BEGAIN: variants seen among roughly 807,000 people sequenced by gnomAD.
BEGAIN encodes brain enriched guanylate kinase associated.
In BEGAIN, 19 loss-of-function variants were observed where a neutral mutation model predicts 35.8. That is an observed-to-expected ratio of 0.53 (90% CI 0.37 to 0.78). The LOEUF is 0.78. Among genes scored for constraint, BEGAIN ranks in the 30% least tolerant of loss-of-function variants. The pLI is 0.00. For synonymous variants in BEGAIN, 462 were observed against 388.6 expected, an observed-to-expected ratio of 1.19 and a Z score of -2.22; for missense variants, 795 against 853.6, an observed-to-expected ratio of 0.93 and a Z score of 0.85.
chr14:100,542,889 C>T (rs1012268760), intron 5 of BEGAIN, among the ~76,000 whole-genome samples: 9 of 152,224 alleles, frequency 5.9e-5, no homozygotes, highest in Admixed American at 5.9e-4. Context: ...TCAGAACCCT[C>T]CATGGCTCCC....
chr14:100,560,046 G>A (rs2034104695), intron 2 of BEGAIN, among the ~76,000 whole-genome samples: 2 of 152,226 alleles, frequency 1.3e-5, no homozygotes, highest in South Asian at 2.1e-4. Flanking sequence ...GGGGCTGAGA[G>A]GGTCATGTGG....
At chr14:100,550,617 C>G (rs970542925) in intron 2 of BEGAIN, 1 of 397,858 alleles carries the variant, frequency 2.5e-6, no homozygotes. Flanking sequence ...TGGCTGAGAC[C>G]GAGAGAGATG....
intron 2 of BEGAIN, among the ~76,000 whole-genome samples, chr14:100,555,715 C>T (rs2033651220): frequency 6.6e-6 from 1 of 152,234 alleles, no homozygotes; most frequent in Non-Finnish European, 1.5e-5. Context: ...GTCTCCCGCA[C>T]AGCGAGACAA....
chr14:100,569,068 G>T (rs1362598302), intron 1 of BEGAIN: 1 of 472,620 alleles, frequency 2.1e-6, no homozygotes, highest in Non-Finnish European at 2.8e-6. Context: ...CGGCCCCGGG[G>T]CCTCGGCCAG....
chr14:100,552,434 A>G (rs1305179088), intron 2 of BEGAIN, among the ~76,000 whole-genome samples: 1 of 152,246 alleles, frequency 6.6e-6, no homozygotes, highest in Non-Finnish European at 1.5e-5. Context: ...ACTGGGACCC[A>G]GAGAAGTTAA....
At chr14:100,577,626 G>C (rs1324080575) in intron 1 of BEGAIN, 2 of 398,982 alleles carry the variant, frequency 5.0e-6, no homozygotes, top group Non-Finnish European at 8.8e-6. Context: ...ACCTGGAGAA[G>C]GGCAGTCTGG....
At position 100,568,518 on chromosome 14, in the gene BEGAIN, T is replaced by G; in HGVS notation, c.43-579A>C. On this transcript the variant is annotated intron_variant, in intron 1 of 6. Coordinates refer to ENST00000554140, the MANE Select transcript of BEGAIN (RefSeq NM_001385089.1). The surrounding 1 kb of genome is among the most constrained non-coding windows in gnomAD (Gnocchi z 7.5). Reference sequence around the variant, plus strand: ...CCCGCTGCCCTCAGATTCTGGGGTTTTGGGCCTGGCTTGCCCCTCCCGGGC... The same window carrying G: ...CCCGCTGCCCTCAGATTCTGGGGTTGTGGGCCTGGCTTGCCCCTCCCGGGC... 8.5e-6 allele frequency: 11 copies of G among 1,286,798 alleles called. No individual in the cohort carries two copies. Among genetic ancestry groups the G allele is most frequent in the Non-Finnish European group, 1.1e-5 (11 of 987,574 alleles). 79.7% of individuals were successfully genotyped at this position (1,286,798 alleles called of 1,614,324 possible).
chr14:100,564,275 A>C (rs2034517041), intron 2 of BEGAIN, among the ~76,000 whole-genome samples: 1 of 151,986 alleles, frequency 6.6e-6, no homozygotes. Flanking sequence ...GGCCTATCAC[A>C]GTTCACGACT....
rs2031138945 is a variant in BEGAIN, at chr14:100,539,115, C to T, written c.693G>A (p.Gly231=). 1 of 1,607,736 alleles carries T rather than the reference C, an allele frequency of 6.2e-7. No homozygotes were observed. The highest frequency in any genetic ancestry group is 8.5e-7 in the Non-Finnish European group (1 of 1,176,120). ...ASARDLAFCD[G]VEKPGPRPPY... ...GGGGCCGCGGGCCTGGTTTCTCCAC[C>T]CCGTCGCAGAAGGCCAGGTCGCGGG... The change falls in exon 7 of 7, where the codon GGG becomes GGA. Residue 231 remains glycine (G), a synonymous_variant. Coordinates refer to ENST00000554140, the MANE Select transcript of BEGAIN (RefSeq NM_001385089.1).
In BEGAIN at chr14:100,586,048, G is replaced by T. The variant is rs1566984772; in HGVS notation, c.42+1201C>A. ...CCGTCTCCCCGCCCTGCGTGTCACA[G>T]ATGCCAGGCAGAGCCACCCCCAACG... On this transcript the variant is annotated intron_variant, in intron 1 of 6. Transcript: ENST00000554140. The surrounding 1 kb of genome is among the most constrained non-coding windows in gnomAD (Gnocchi z 4.9). Among the ~76,000 whole-genome samples, 1 of 152,246 alleles carries T rather than the reference G, an allele frequency of 6.6e-6. No individual in the cohort carries two copies. The highest frequency in any genetic ancestry group is 1.5e-5 in the Non-Finnish European group (1 of 68,038).
At chr14:100,561,600 T>C (rs1260982809) in intron 2 of BEGAIN, among the ~76,000 whole-genome samples, 14 of 151,842 alleles carry the variant, frequency 9.2e-5, no homozygotes, top group Non-Finnish European at 1.9e-4. Flanking sequence ...AATACAAAAT[T>C]AGCCTGGTGT....
In BEGAIN at chr14:100,538,849, G is replaced by A; in HGVS notation, c.959C>T (p.Ser320Phe). 1.9e-6 allele frequency: 3 copies of A among 1,606,994 alleles called. No individual in the cohort carries two copies. The highest frequency in any genetic ancestry group is 2.5e-6 in the Non-Finnish European group (3 of 1,178,266). Residue 320 changes from serine to phenylalanine, a missense_variant, in exon 7 of 7, where the codon TCC becomes TTC. Coordinates refer to ENST00000554140, the MANE Select transcript of BEGAIN (RefSeq NM_001385089.1). ...AGSLPTSSSY[S>F]SFSATSEEKE... ...CTCCTCCGACGTGGCGCTGAAGCTG[G>A]AGTAGGAGCTGGACGTGGGCAGTGA...
At chr14:100,583,642 CTTTCTTTTCTTTT>C (rs1669413468) in intron 1 of BEGAIN, among the ~76,000 whole-genome samples, 1 of 148,636 alleles carries the variant, frequency 6.7e-6, no homozygotes, top group Admixed American at 6.7e-5. Flanking sequence ...CTCTTTCTTT[CTTTCTTTTCTTTT>C]TTTCTTTCTT....
intron 1 of BEGAIN, among the ~76,000 whole-genome samples, chr14:100,579,526 T>C (rs953022267): frequency 6.6e-6 from 1 of 152,214 alleles, no homozygotes; most frequent in African/African-American, 2.4e-5. Context: ...CCCAGGCCCT[T>C]GGCCTGGTGG....
At chr14:100,574,518 GTT>G (rs34762708) in intron 1 of BEGAIN, among the ~76,000 whole-genome samples, 21,405 of 137,160 alleles carry the variant, frequency 0.16, 2,290 homozygotes, top group East Asian at 0.55. Context: ...CTGCACAAAG[GTT>G]TTTTTTTTTT....
chr14:100,555,275 G>T (rs1047318354), intron 2 of BEGAIN, among the ~76,000 whole-genome samples: 2 of 152,228 alleles, frequency 1.3e-5, no homozygotes, highest in African/African-American at 4.8e-5. Flanking sequence ...GTGGAAACCC[G>T]GGCTGGGTGG....
Position 100,567,781 on chromosome 14 carries a change from C to A in BEGAIN, c.71+130G>T. The A allele has an allele frequency of 1.1e-6, 1 of 931,872 alleles. No homozygotes were observed. The highest frequency in any genetic ancestry group is 2.2e-5 in the South Asian group (1 of 45,546). 57.7% of individuals were successfully genotyped at this position (931,872 alleles called of 1,614,324 possible). ...GCACCACACACACGCACCTGGCCCG[C>A]AGCCCCGCCGAGGCCGCCCGCGGGC... On this transcript the variant is annotated intron_variant, in intron 2 of 6. Coordinates refer to ENST00000554140, the MANE Select transcript of BEGAIN (RefSeq NM_001385089.1). This position sits in a 1 kb window ranked among gnomAD's most constrained non-coding sequence, Gnocchi z 5.1.
chr14:100,546,814 TCACA>T, intron 2 of BEGAIN, 152 bp from the exon 3 acceptor site: 2 of 444,652 alleles, frequency 4.5e-6, no homozygotes, highest in East Asian at 3.9e-5. Context: ...ACACACACAC[TCACA>T]CACACCCAGC....
In BEGAIN at chr14:100,537,757, T is replaced by A; in HGVS notation, c.*212A>T. ...GCGTGAAAAACGCTCTAAGTGGAGT[T>A]CCACGGGCCGGGGCCGGGTGGACAC... is the stretch of plus-strand genomic sequence containing the variant. On this transcript the variant is annotated 3_prime_UTR_variant, in exon 7 of 7. Transcript: ENST00000554140. The A allele has an allele frequency of 1.1e-5, 7 of 627,996 alleles. No homozygotes were observed. In the South Asian group the frequency reaches 1.9e-4, roughly 17 times the overall value. The allele number at this position is 627,996 out of a possible 1,614,324, so 38.9% of individuals were successfully genotyped here.
Sources: gnomAD v4.1 joint callset for allele counts (sites outside exome capture counted in the v4.1 genomes callset) on GRCh38, gnomAD v4.1.1 for gene constraint, Gnocchi (gnomAD v3.1) non-coding constraint, MANE v1.5 for transcripts, NCBI Gene and HGNC (gene_info 2026-07-23, HGNC 2026-07-21) for gene names.